The following GRIP1 variants were observed in gnomAD, a reference collection of about 807,000 sequenced individuals.
GRIP1 encodes glutamate receptor-interacting protein 1.
Under a neutral mutation model 129.9 loss-of-function variants are expected in GRIP1, and 45 were observed. That is an observed-to-expected ratio of 0.35 (90% CI 0.27 to 0.44). The LOEUF (loss-of-function observed/expected upper bound fraction) is 0.44, where lower values mean the gene tolerates loss of function less well. Among genes scored for constraint, GRIP1 ranks in the 20% least tolerant of loss-of-function variants. GRIP1 has a pLI of 1.00. For missense variants in GRIP1, 1,196 were observed against 1,396.8 expected (o/e 0.86, Z 2.29); for synonymous variants, 530 against 520.8 (o/e 1.02, Z -0.24).
At chr12:66,366,624 T>C (rs1158074745) in intron 23 of GRIP1, among the ~76,000 whole-genome samples, 5 of 152,202 alleles carry the variant, frequency 3.3e-5, no homozygotes, top group Non-Finnish European at 7.3e-5. Context: ...TTAAGAAGTA[T>C]AATTTTATTG....
rs1269386173 is a variant in GRIP1, at chr12:66,487,718, T to C, written c.725-22296A>G. 3.3e-5 allele frequency among the ~76,000 whole-genome samples: 5 copies of C among 152,298 alleles called. No individual in the cohort carries two copies. The Middle Eastern group carries it at 0.014, about 414-fold the overall frequency. On this transcript the variant is annotated intron_variant, in intron 7 of 24. Coordinates refer to ENST00000359742, the MANE Select transcript of GRIP1 (RefSeq NM_001366722.1). ...TGAATAAAGAGCCAAAACCCATTGG[T>C]ATGCTCTGTTCAAGAGACCCATCTC...
At chr12:66,642,034 A>G (rs867561071) in intron 1 of GRIP1, among the ~76,000 whole-genome samples, 3 of 152,172 alleles carry the variant, frequency 2.0e-5, no homozygotes, top group African/African-American at 7.2e-5. Flanking sequence ...GTGAATTACA[A>G]TGCCAAACAA....
chr12:66,515,223 C>T (rs1172902710), intron 7 of GRIP1, among the ~76,000 whole-genome samples: 1 of 150,874 alleles, frequency 6.6e-6, no homozygotes, highest in African/African-American at 2.4e-5. Flanking sequence ...TGTGAAGTTA[C>T]AAGAAGGAAA....
intron 7 of GRIP1, among the ~76,000 whole-genome samples, chr12:66,490,726 TC>T (rs1435834130): frequency 6.6e-6 from 1 of 151,638 alleles, no homozygotes; most frequent in African/African-American, 2.4e-5. Flanking sequence ...CTGACAAAGG[TC>T]TAATATCCAA....
chr12:66,975,635 A>C (rs527714406), intron 1 of GRIP1, among the ~76,000 whole-genome samples: 3 of 152,316 alleles, frequency 2.0e-5, no homozygotes, highest in East Asian at 3.9e-4. Flanking sequence ...AAAATAGAGG[A>C]GTGTCAGAAA....
intron 1 of GRIP1, among the ~76,000 whole-genome samples, chr12:67,058,289 C>T (rs1048612868): frequency 6.6e-6 from 1 of 152,152 alleles, no homozygotes; most frequent in Admixed American, 6.5e-5. Flanking sequence ...CTTAAAAAGA[C>T]ATAAATCCTA....
At chr12:66,648,537 A>G (rs6581710) in intron 1 of GRIP1, among the ~76,000 whole-genome samples, 113,712 of 152,128 alleles carry the variant, frequency 0.75, 42,716 homozygotes, top group East Asian at 0.9. Context: ...AGTGTGACTG[A>G]TGCAGTTGGT....
intron 1 of GRIP1, among the ~76,000 whole-genome samples, chr12:67,010,795 C>T (rs1029586824): frequency 1.3e-5 from 2 of 151,988 alleles, no homozygotes; most frequent in Non-Finnish European, 1.5e-5. Context: ...TAAAACCAGC[C>T]CTCCTTCCTG....
intron 9 of GRIP1, among the ~76,000 whole-genome samples, chr12:66,458,794 T>A (rs1245349847): frequency 6.6e-6 from 1 of 152,240 alleles, no homozygotes; most frequent in Admixed American, 6.5e-5. Context: ...ACTGATCTTA[T>A]GTCTACTCTT....
intron 1 of GRIP1, among the ~76,000 whole-genome samples, chr12:66,813,554 G>A (rs1192601290): frequency 6.6e-6 from 1 of 152,206 alleles, no homozygotes; most frequent in Admixed American, 6.5e-5. Flanking sequence ...ATATTTGAAT[G>A]GGGAGAGCTG....
intron 1 of GRIP1, among the ~76,000 whole-genome samples, chr12:66,625,962 G>C (rs555994055): frequency 6.6e-6 from 1 of 152,194 alleles, no homozygotes; most frequent in Non-Finnish European, 1.5e-5. Context: ...ATGTGACATG[G>C]GCTGACACTT....
At chr12:66,993,041 G>A (rs2135649735) in intron 1 of GRIP1, among the ~76,000 whole-genome samples, 1 of 152,086 alleles carries the variant, frequency 6.6e-6, no homozygotes, top group East Asian at 1.9e-4. Context: ...TTGAGCCCAG[G>A]AGGCGGACAT....
At chr12:66,617,743 A>T (rs116872631) in intron 1 of GRIP1, among the ~76,000 whole-genome samples, 24 of 149,168 alleles carry the variant, frequency 1.6e-4, no homozygotes, top group Non-Finnish European at 3.5e-4. Context: ...TTCACAGAAA[A>T]AGAAATACTA....
At chr12:66,979,163 T>A (rs2042198470) in intron 1 of GRIP1, among the ~76,000 whole-genome samples, 1 of 129,790 alleles carries the variant, frequency 7.7e-6, no homozygotes. Flanking sequence ...AGCATTTTGA[T>A]CCCCATGACC....
intron 1 of GRIP1, among the ~76,000 whole-genome samples, chr12:66,871,159 T>C (rs2040289819): frequency 6.6e-6 from 1 of 152,068 alleles, no homozygotes. Flanking sequence ...AGGGGTCTTC[T>C]GGCCTTTTGC....
rs1160643045 is a variant in GRIP1, at chr12:66,678,976, T to C, written c.-72A>G. ...TCTGGTGGCTGCAGCAGCAGCAGCA[T>C]ATGAATTCCTTGCGCACATACCAGG... On this transcript the variant is annotated 5_prime_UTR_variant, in exon 1 of 25. The change creates a new upstream start codon in the 5' untranslated region. Coordinates refer to ENST00000359742, the MANE Select transcript of GRIP1 (RefSeq NM_001366722.1). 1 of 1,609,844 alleles carries C rather than the reference T, an allele frequency of 6.2e-7. No individual in the cohort carries two copies. The highest frequency in any genetic ancestry group is 1.3e-5 in the African/African-American group (1 of 74,720).
At chr12:66,472,571 G>C (rs12581129) in intron 7 of GRIP1, among the ~76,000 whole-genome samples, 40,275 of 152,006 alleles carry the variant, frequency 0.26, 5,551 homozygotes, top group Middle Eastern at 0.43. Flanking sequence ...TCTGCAGCTC[G>C]CAGCAAGATC....
chr12:66,601,615 C>A (rs914836460), intron 1 of GRIP1, among the ~76,000 whole-genome samples: 6 of 152,136 alleles, frequency 3.9e-5, no homozygotes, highest in African/African-American at 1.4e-4. Flanking sequence ...TAATTATGCA[C>A]AATTGAGGCA....
intron 1 of GRIP1, among the ~76,000 whole-genome samples, chr12:66,978,232 C>T (rs578233601): frequency 6.6e-6 from 1 of 152,158 alleles, no homozygotes; most frequent in African/African-American, 2.4e-5. Flanking sequence ...TTTAAGATTA[C>T]TTTTTGATAC....
Sources: gnomAD v4.1 joint callset for allele counts (sites outside exome capture counted in the v4.1 genomes callset) on GRCh38, gnomAD v4.1.1 for gene constraint, MANE v1.5 for transcripts, NCBI Gene and HGNC (gene_info 2026-07-23, HGNC 2026-07-21) for gene names.